POGK: variants seen among roughly 807,000 people sequenced by gnomAD.
POGK encodes pogo transposable element with KRAB domain.
Under a neutral mutation model 54.4 loss-of-function variants are expected in POGK, and 16 were observed. That is an observed-to-expected ratio of 0.29 (90% CI 0.20 to 0.45). The LOEUF is 0.45. Ranked by LOEUF, POGK falls within the 20% of genes least tolerant of loss-of-function variation. The pLI is 1.00. For missense variants in POGK, 515 were observed against 795.6 expected (o/e 0.65, Z 4.24); for synonymous variants, 271 against 302.2 (o/e 0.90, Z 1.07).
chr1:166,846,316 A>G (rs1657847035), intron 2 of POGK, among the ~76,000 whole-genome samples: 1 of 152,160 alleles, frequency 6.6e-6, no homozygotes, highest in South Asian at 2.1e-4. Flanking sequence ...GCGATGTCCC[A>G]TGTCCTCCAA....
In POGK at chr1:166,850,071, G is replaced by T. The variant is rs767198051; in HGVS notation, c.1492G>T (p.Gly498Cys). 2 of 1,613,918 alleles carry T rather than the reference G, an allele frequency of 1.2e-6. No individual in the cohort carries two copies. The highest frequency in any genetic ancestry group is 1.3e-5 in the African/African-American group (1 of 74,936). The change falls in exon 5 of 6, where the codon GGT becomes TGT. Residue 498 changes from glycine (G) to cysteine (C), a missense_variant. This residue lies in a region of POGK where 461 missense variants were observed against 743.5 expected (regional missense o/e 0.62). Transcript: ENST00000367876. ...CACTGACATGGTGATCATCCCAGGG[G>T]GTCTGACCTCACAGCTTCAGGTGCT... Reference protein sequence around the residue: ...MNTDMVIIPGGLTSQLQVLDV... With the variant: ...MNTDMVIIPGCLTSQLQVLDV...
At position 166,849,880 on chromosome 1, in the gene POGK, G is replaced by A. The variant is rs1047582938; in HGVS notation, c.1301G>A (p.Arg434His). The A allele has an allele frequency of 1.9e-6, 3 of 1,614,232 alleles. No individual in the cohort carries two copies. Among genetic ancestry groups the A allele is most frequent in the Admixed American group, 1.7e-5 (1 of 60,030 alleles). The change falls in exon 5 of 6, where the codon CGC (arginine) becomes CAC (histidine). Residue 434 changes from arginine (R) to histidine (H), a missense_variant. By Grantham distance (29) the Arg-to-His change is conservative. Transcript: ENST00000367876. ...AAGTTTCCCAGTGGGATGGAAATTC[G>A]CTGCCACCGGTATGGGTGGATGACT... ...PGKFPSGMEIRCHRYGWMTED... is the reference protein window; with the variant it reads ...PGKFPSGMEIHCHRYGWMTED...
intron 1 of POGK, among the ~76,000 whole-genome samples, 192 bp from the exon 2 acceptor site, chr1:166,840,763 C>T (rs958963603): frequency 6.6e-6 from 1 of 152,180 alleles, no homozygotes; most frequent in African/African-American, 2.4e-5. Flanking sequence ...CGTTATCTAC[C>T]CACAGCCTCT....
intron 1 of POGK, chr1:166,839,969 G>C (rs1657417811): frequency 6.6e-6 from 1 of 152,334 alleles, no homozygotes; most frequent in Admixed American, 6.6e-5. Context: ...CCTTAGCGCG[G>C]GGAGGCGGCC....
At chr1:166,848,531 T>G (rs775429649) in intron 4 of POGK, among the ~76,000 whole-genome samples, 2 of 152,254 alleles carry the variant, frequency 1.3e-5, no homozygotes, top group Non-Finnish European at 2.9e-5. Flanking sequence ...TAATATTATA[T>G]GGTAGTATGG....
At chr1:166,850,806 T>C (rs565089387) in intron 5 of POGK, 6 of 161,214 alleles carry the variant, frequency 3.7e-5, no homozygotes, top group Non-Finnish European at 6.7e-5. Flanking sequence ...TACCACCCAC[T>C]ACCCCGCACT....
At chr1:166,850,955 A>G (rs1192659112) in intron 5 of POGK, 1 of 152,326 alleles carries the variant, frequency 6.6e-6, no homozygotes, top group African/African-American at 2.4e-5. Context: ...ATTTGTGTCT[A>G]TTTTGCTCTG....
In POGK at chr1:166,854,620, A is replaced by T. The variant is rs934142596; in HGVS notation, c.*2050A>T. 2.6e-5 allele frequency: 4 copies of T among 152,206 alleles called. No individual in the cohort carries two copies. Among genetic ancestry groups the T allele is most frequent in the African/African-American group, 9.6e-5 (4 of 41,456 alleles). The allele number at this position is 152,206 out of a possible 1,614,324, so 9.4% of individuals were successfully genotyped here. ...GTTCATGAGATGCAGTGTAAGTAATATTGGTATCTGTGAAGACACAGGGAA... is the reference window on the plus strand; with the variant it reads ...GTTCATGAGATGCAGTGTAAGTAATTTTGGTATCTGTGAAGACACAGGGAA... On this transcript the variant is annotated 3_prime_UTR_variant, in exon 6 of 6. Transcript: ENST00000367876.
chr1:166,855,463 G>C lies in POGK; in HGVS notation c.*2893G>C, dbSNP rs1658242886. 6.6e-6 allele frequency: 1 copy of C among 152,230 alleles called. No homozygotes were observed. The highest frequency in any genetic ancestry group is 2.1e-4 in the South Asian group (1 of 4,834). 9.4% of individuals were successfully genotyped at this position (152,230 alleles called of 1,614,324 possible). The stretch of plus-strand genomic sequence containing the variant: ...ACCAGCCTTTGGTGGACAGAGTTCA[G>C]ATGTTTCAGGGGCTCTTGTGAAAAT... On this transcript the variant is annotated 3_prime_UTR_variant, in exon 6 of 6. Coordinates refer to ENST00000367876, the MANE Select transcript of POGK (RefSeq NM_017542.5).
chr1:166,852,902 C>CA lies in POGK; in HGVS notation c.*335dup, dbSNP rs1271628347. On this transcript the variant is annotated 3_prime_UTR_variant, in exon 6 of 6. Transcript: ENST00000367876. ...AAAGAAACCTGTAAATATGAAAGAA[C>CA]AAAGGTTATTTCCTGGAGAAAAGAC... The CA allele has an allele frequency of 2.0e-5, 3 of 152,218 alleles. No homozygotes were observed. Among genetic ancestry groups the CA allele is most frequent in the Non-Finnish European group, 4.4e-5 (3 of 68,030 alleles). The allele number at this position is 152,218 out of a possible 1,614,324, so 9.4% of individuals were successfully genotyped here.
intron 2 of POGK, among the ~76,000 whole-genome samples, chr1:166,845,764 A>G (rs1380890002): frequency 1.3e-5 from 2 of 152,182 alleles, no homozygotes; most frequent in Non-Finnish European, 2.9e-5. Context: ...TGTAATAAGA[A>G]ATACAGTTAA....
At chr1:166,850,711 T>C in intron 5 of POGK, 1 of 280,354 alleles carries the variant, frequency 3.6e-6, no homozygotes, top group Non-Finnish European at 6.7e-6. Flanking sequence ...AACCCTGTTG[T>C]GAACTGCACA....
rs985849147 is a variant in POGK at position 166,854,913 on chromosome 1, A to T, written c.*2343A>T. 6.6e-6 allele frequency: 1 copy of T among 150,842 alleles called. No homozygotes were observed. The highest frequency in any genetic ancestry group is 2.5e-5 in the African/African-American group (1 of 40,132). 9.3% of individuals were successfully genotyped at this position (150,842 alleles called of 1,614,324 possible). A position where few individuals can be genotyped will look rare whatever the true frequency, so the allele number is the denominator to read the frequency against. On this transcript the variant is annotated 3_prime_UTR_variant, in exon 6 of 6. Coordinates refer to ENST00000367876, the MANE Select transcript of POGK (RefSeq NM_017542.5). ...TATTTTTCCTTTTCAACCCATCAGC[A>T]TTAAATGCTGAGCCACTCTCCAAGT...
rs751692773 is a variant in POGK, at chr1:166,849,197, G to A, written c.618G>A (p.Leu206=). 2 of 1,614,272 alleles carry A rather than the reference G, an allele frequency of 1.2e-6. No individual in the cohort carries two copies. The highest frequency in any genetic ancestry group is 2.2e-5 in the South Asian group (2 of 91,088). The part of the protein sequence containing the change: ...MRRSYDAGFK[L]MVVEYAESTN... The stretch of plus-strand genomic sequence containing the variant: ...GCAGTTACGACGCAGGGTTCAAGCT[G>A]ATGGTAGTGGAATATGCTGAGAGTA... The change falls in exon 5 of 6, where the codon CTG becomes CTA. Residue 206 remains leucine, a synonymous_variant. Coordinates refer to ENST00000367876, the MANE Select transcript of POGK (RefSeq NM_017542.5).
intron 2 of POGK, among the ~76,000 whole-genome samples, chr1:166,844,975 G>A (rs1272947756): frequency 2.0e-5 from 3 of 152,156 alleles, no homozygotes; most frequent in African/African-American, 2.4e-5. Flanking sequence ...GAGAATATGG[G>A]CCAAGGTGTG....
intron 4 of POGK, 141 bp from the exon 5 acceptor site, chr1:166,848,797 G>A: frequency 8.7e-7 from 1 of 1,145,080 alleles, no homozygotes; most frequent in Non-Finnish European, 1.2e-6. Context: ...AAAGGACTTA[G>A]GCAATGTTAC....
In POGK at chr1:166,850,483, CCTT is replaced by C. The variant is rs1398106127; in HGVS notation, c.*14+63_*14+65del. On this transcript the variant is annotated intron_variant, in intron 5 of 5. Transcript: ENST00000367876. ...CTGACATGTCTGTGTTCTACAAACA[CCTT>C]CTCTCCATTATTTTTCTGTTTTTAA... 7 of 1,487,530 alleles carry C rather than the reference CCTT, an allele frequency of 4.7e-6. No homozygotes were observed. In the South Asian group the frequency reaches 8.1e-5, roughly 17 times the overall value. 92.1% of individuals were successfully genotyped at this position (1,487,530 alleles called of 1,614,324 possible).
Position 166,849,046 on chromosome 1 carries a change from GGGATATCACA to G in POGK, c.469_478del (p.Asp157SerfsTer27). 2 of 1,614,132 alleles carry G rather than the reference GGGATATCACA, an allele frequency of 1.2e-6. No homozygotes were observed. The highest frequency in any genetic ancestry group is 1.7e-6 in the Non-Finnish European group (2 of 1,180,028). On this transcript the variant is annotated frameshift_variant, in exon 5 of 6. Coordinates refer to ENST00000367876, the MANE Select transcript of POGK (RefSeq NM_017542.5). LOFTEE classifies it high-confidence loss of function. ...GACAGCTTTGGCCTCCGTCTGCCTCGGGATATCACAGAGCTGCCCGAGTGGAGTGAGGGGT... is the reference window on the plus strand; with the variant it reads ...GACAGCTTTGGCCTCCGTCTGCCTCGGAGCTGCCCGAGTGGAGTGAGGGGT...
At chr1:166,844,653 A>C (rs1657760635) in intron 2 of POGK, among the ~76,000 whole-genome samples, 1 of 152,232 alleles carries the variant, frequency 6.6e-6, no homozygotes, top group East Asian at 1.9e-4. Flanking sequence ...TCGTATATTC[A>C]AAAGCACATT....
Sources: gnomAD v4.1 joint callset for allele counts (sites outside exome capture counted in the v4.1 genomes callset) on GRCh38, gnomAD v4.1.1 for gene constraint, gnomAD v4.1.1 regional missense constraint, MANE v1.5 for transcripts, NCBI Gene and HGNC (gene_info 2026-07-23, HGNC 2026-07-21) for gene names.